PGM5: variants seen among roughly 807,000 people sequenced by gnomAD.
PGM5 encodes the protein phosphoglucomutase 5.
In PGM5, 23 loss-of-function variants were observed where a neutral mutation model predicts 59.2. The observed-to-expected ratio is 0.39, with a 90% CI of 0.28 to 0.55. The LOEUF (loss-of-function observed/expected upper bound fraction) is 0.55. PGM5 is among the 20% of genes least tolerant of loss of function. The pLI, the probability that PGM5 is intolerant of heterozygous loss-of-function variation, is 0.66. For synonymous variants in PGM5, 214 were observed against 286.0 expected (o/e 0.75, Z 2.54); for missense variants, 574 against 748.3 (o/e 0.77, Z 2.72).
rs1824242865 is a variant in PGM5, at chr9:68,483,947, ATTGGCCAGCAG to A, written c.1381_1391del (p.Gly461CysfsTer14). 1.2e-6 allele frequency: 2 copies of A among 1,614,084 alleles called. No homozygotes were observed. The highest frequency in any genetic ancestry group is 1.3e-5 in the African/African-American group (1 of 74,936). On this transcript the variant is annotated frameshift_variant, in exon 9 of 11. Transcript: ENST00000396396. LOFTEE classifies it high-confidence loss of function. ...GGCCCTGGTCACAGACAAATCCTTC[ATTGGCCAGCAG>A]TTTGCTGTGGGGAGCCATGTCTACA...
chr9:68,499,135 T>C (rs1824528434), intron 9 of PGM5, 92 bp from the exon 10 acceptor site: 14 of 1,399,392 alleles, frequency 1.0e-5, no homozygotes, highest in South Asian at 8.6e-5. Context: ...TGTTGAGGTA[T>C]AAAAACATGC....
chr9:68,436,177 G>A (rs534060200), intron 6 of PGM5, among the ~76,000 whole-genome samples: 1 of 152,304 alleles, frequency 6.6e-6, no homozygotes, highest in South Asian at 2.1e-4. Context: ...TTAGCCCAAA[G>A]GTGGGCAACC....
At chr9:68,447,032 A>G (rs1554684046) in intron 6 of PGM5, among the ~76,000 whole-genome samples, 1 of 152,112 alleles carries the variant, frequency 6.6e-6, no homozygotes, top group African/African-American at 2.4e-5. Context: ...CTTTTAAGGG[A>G]ACGTGGTGCG....
At chr9:68,481,670 TA>T (rs1554687147) in intron 8 of PGM5, among the ~76,000 whole-genome samples, 1 of 152,260 alleles carries the variant, frequency 6.6e-6, no homozygotes, top group Non-Finnish European at 1.5e-5. Context: ...TAATGTAGTT[TA>T]TTTTTTGTGG....
chr9:68,381,322 CA>C (rs137857532), intron 2 of PGM5, among the ~76,000 whole-genome samples: 49,703 of 151,418 alleles, frequency 0.33, 8,380 homozygotes, highest in Admixed American at 0.38. Flanking sequence ...GAAAGTTCAG[CA>C]TTCTTTCTTA....
At chr9:68,446,224 T>C (rs1377088886) in intron 6 of PGM5, among the ~76,000 whole-genome samples, 1 of 152,210 alleles carries the variant, frequency 6.6e-6, no homozygotes, top group East Asian at 1.9e-4. Context: ...AGGAAACCAG[T>C]TGTGTATTAA....
chr9:68,404,489 G>A (rs1822752637), intron 6 of PGM5, among the ~76,000 whole-genome samples: 1 of 152,180 alleles, frequency 6.6e-6, no homozygotes, highest in Admixed American at 6.5e-5. Flanking sequence ...TATCAATTAA[G>A]TACAATGAGA....
At chr9:68,357,440 C>G in intron 1 of PGM5, 52 bp downstream of exon 1, 2 of 1,537,084 alleles carry the variant, frequency 1.3e-6, no homozygotes, top group Non-Finnish European at 8.7e-7. Flanking sequence ...CATGCCCTCT[C>G]CTAGCCCTTG....
At chr9:68,520,413 CT>C (rs1388195992) in intron 10 of PGM5, among the ~76,000 whole-genome samples, 1 of 151,758 alleles carries the variant, frequency 6.6e-6, no homozygotes, top group East Asian at 1.9e-4. Flanking sequence ...TTTAGCACCC[CT>C]CTCAGTAATT....
At chr9:68,440,090 T>A (rs1465236404) in intron 6 of PGM5, among the ~76,000 whole-genome samples, 1 of 152,078 alleles carries the variant, frequency 6.6e-6, no homozygotes, top group East Asian at 1.9e-4. Context: ...ATGGACAGAA[T>A]GGAAAAGAGA....
In PGM5 at chr9:68,378,776, C is replaced by G. The variant is rs2777077; in HGVS notation, c.424+415C>G. Among the ~76,000 whole-genome samples, 1,058 of 152,124 alleles carry G rather than the reference C, an allele frequency of 7.0e-3. 9 individuals carry two copies. The highest frequency in any genetic ancestry group is 0.012 in the Non-Finnish European group (786 of 67,988). ...TAATGATTTTTAGCCCAAATCCTGG[C>G]CTCTCTTTTTCCTACAGTGTTGACT... On this transcript the variant is annotated intron_variant, in intron 2 of 10. Transcript: ENST00000396396.
Position 68,356,975 on chromosome 9 carries a change from G to C in PGM5, c.-153G>C, listed in dbSNP as rs1367533059. 1 of 691,902 alleles carries C rather than the reference G, an allele frequency of 1.4e-6. No individual in the cohort carries two copies. Among genetic ancestry groups the C allele is most frequent in the Non-Finnish European group, 2.1e-6 (1 of 470,930 alleles). The allele number at this position is 691,902 out of a possible 1,614,324, so 42.9% of individuals were successfully genotyped here. ...GAGGAGGGGCGGGCGGTCCCCAGGC[G>C]GGCGGGTGCAGGGCGCAGGGCGCCG... On this transcript the variant is annotated 5_prime_UTR_variant, in exon 1 of 11. Coordinates refer to ENST00000396396, the MANE Select transcript of PGM5 (RefSeq NM_021965.4).
chr9:68,369,637 C>T (rs529162784), intron 1 of PGM5, among the ~76,000 whole-genome samples: 4 of 152,168 alleles, frequency 2.6e-5, no homozygotes, highest in South Asian at 4.2e-4. Context: ...ATGGGTGGGC[C>T]GATTGAAGAA....
At chr9:68,382,464 G>C (rs1410170108) in intron 2 of PGM5, among the ~76,000 whole-genome samples, 1 of 151,670 alleles carries the variant, frequency 6.6e-6, no homozygotes, top group Non-Finnish European at 1.5e-5. Flanking sequence ...TGATTTCTTG[G>C]ATATCACATC....
At chr9:68,528,097 A>G (rs1002088830) in intron 10 of PGM5, among the ~76,000 whole-genome samples, 27 of 152,152 alleles carry the variant, frequency 1.8e-4, no homozygotes, top group African/African-American at 6.5e-4. Flanking sequence ...CCCACAAGGA[A>G]CTGAATTCCT....
At chr9:68,499,768 CA>C (rs1554688482) in intron 10 of PGM5, among the ~76,000 whole-genome samples, 1 of 152,138 alleles carries the variant, frequency 6.6e-6, no homozygotes, top group African/African-American at 2.4e-5. Context: ...CTTGAGGTGC[CA>C]ATACAGATGG....
At chr9:68,499,141 C>A in intron 9 of PGM5, 86 bp from the exon 10 acceptor site, 1 of 1,425,788 alleles carries the variant, frequency 7.0e-7, no homozygotes, top group Non-Finnish European at 9.8e-7. Context: ...GGTATAAAAA[C>A]ATGCTGATTT....
intron 6 of PGM5, among the ~76,000 whole-genome samples, chr9:68,393,060 C>T (rs1458392069): frequency 1.3e-5 from 2 of 151,882 alleles, no homozygotes; most frequent in Non-Finnish European, 2.9e-5. Flanking sequence ...CTAACTAACC[C>T]TATTAGGTTT....
intron 1 of PGM5, among the ~76,000 whole-genome samples, chr9:68,374,591 G>A (rs1247778515): frequency 6.6e-6 from 1 of 150,454 alleles, no homozygotes; most frequent in Non-Finnish European, 1.5e-5. Context: ...ATGGGGGCTG[G>A]AGGATCCACT....
Sources: allele counts gnomAD v4.1 joint callset (sites outside exome capture counted in the v4.1 genomes callset), GRCh38; gene constraint gnomAD v4.1.1; transcripts MANE v1.5; gene names NCBI Gene and HGNC (gene_info 2026-07-23, HGNC 2026-07-21).